The following SNX29 variants were observed in gnomAD, a reference collection of about 807,000 sequenced individuals.
SNX29 encodes the protein sorting nexin 29.
In SNX29, 78 loss-of-function variants were observed where a neutral mutation model predicts 102.1. The ratio of observed to expected loss-of-function variants is 0.76; its 90% confidence interval spans 0.64 to 0.92. The LOEUF is 0.92. Among genes scored for constraint, SNX29 ranks in the 40% least tolerant of loss-of-function variants. The pLI, the probability that SNX29 is intolerant of heterozygous loss-of-function variation, is 0.00. For missense variants in SNX29, 1,280 were observed against 1,061.7 expected, an observed-to-expected ratio of 1.21 and a Z score of -2.86; for synonymous variants, 580 against 414.5, an observed-to-expected ratio of 1.40 and a Z score of -4.85.
intron 15 of SNX29, among the ~76,000 whole-genome samples, chr16:12,287,948 T>C (rs970519261): frequency 6.6e-6 from 1 of 152,226 alleles, no homozygotes; most frequent in African/African-American, 2.4e-5. Context: ...GTTAGGTTTT[T>C]CATGGCATTT....
At chr16:12,427,957 A>G (rs569104485) in intron 18 of SNX29, among the ~76,000 whole-genome samples, 2 of 152,386 alleles carry the variant, frequency 1.3e-5, no homozygotes, top group African/African-American at 4.8e-5. Context: ...TCCCTGCAGC[A>G]GCTTCATTTG....
chr16:12,561,656 G>T (rs1029951389), intron 20 of SNX29, among the ~76,000 whole-genome samples: 1 of 152,196 alleles, frequency 6.6e-6, no homozygotes, highest in Non-Finnish European at 1.5e-5. Flanking sequence ...CACTCCTGGG[G>T]CCCTCTGAGG....
chr16:12,559,301 C>T (rs1032581216), intron 20 of SNX29, among the ~76,000 whole-genome samples: 2 of 152,006 alleles, frequency 1.3e-5, no homozygotes, highest in Non-Finnish European at 2.9e-5. Flanking sequence ...GAAAGGCATG[C>T]AAACCCTATT....
chr16:12,013,542 T>TATATATATATATAGAGAGAGAGAGAGAG, intron 3 of SNX29, among the ~76,000 whole-genome samples: 1 of 109,074 alleles, frequency 9.2e-6, no homozygotes, highest in African/African-American at 3.5e-5. Context: ...TATATATATA[T>TATATATATATATAGAGAGAGAGAGAGAG]CGAGAGAGGA....
At chr16:12,175,802 T>C (rs1261251588) in intron 13 of SNX29, among the ~76,000 whole-genome samples, 2 of 151,358 alleles carry the variant, frequency 1.3e-5, no homozygotes, top group Non-Finnish European at 2.9e-5. Context: ...TCTCTTGGAG[T>C]TTGAGACTAG....
At chr16:12,423,895 C>T (rs1455580128) in intron 18 of SNX29, among the ~76,000 whole-genome samples, 2 of 152,138 alleles carry the variant, frequency 1.3e-5, no homozygotes, top group Non-Finnish European at 2.9e-5. Flanking sequence ...AAGAAGAGTG[C>T]ATGTCAGGGC....
At chr16:12,481,315 G>C (rs540323950) in intron 19 of SNX29, among the ~76,000 whole-genome samples, 2 of 151,918 alleles carry the variant, frequency 1.3e-5, no homozygotes, top group East Asian at 3.9e-4. Context: ...TCCATTTCTC[G>C]CCTGTGCAGC....
At chr16:12,265,239 A>C (rs1427363646) in intron 14 of SNX29, among the ~76,000 whole-genome samples, 3 of 152,154 alleles carry the variant, frequency 2.0e-5, no homozygotes, top group African/African-American at 7.2e-5. Context: ...CCAGCAAAGA[A>C]GTTTTCACTG....
In SNX29 at chr16:12,571,818, T is replaced by C. The variant is rs1010798905; in HGVS notation, c.*3189T>C. Reference sequence around the variant, plus strand: ...GCAATCAGTGTGAAATTCCAGCTTCTTTGATTCCCACTTAGCAGTATGCTC... The same window carrying C: ...GCAATCAGTGTGAAATTCCAGCTTCCTTGATTCCCACTTAGCAGTATGCTC... On this transcript the variant is annotated 3_prime_UTR_variant, in exon 21 of 21. Transcript: ENST00000566228. The C allele has an allele frequency of 4.8e-6, 5 of 1,039,432 alleles. No homozygotes were observed. In the African/African-American group the frequency reaches 8.3e-5, roughly 17 times the overall value. The allele number at this position is 1,039,432 out of a possible 1,614,324, so 64.4% of individuals were successfully genotyped here.
At chr16:12,046,355 A>G (rs558741361) in intron 5 of SNX29, 29 bp from the exon 6 acceptor site, 2 of 1,611,656 alleles carry the variant, frequency 1.2e-6, no homozygotes, top group Non-Finnish European at 1.7e-6. Flanking sequence ...ACTGCTAAGA[A>G]CGATTTCCTT....
intron 20 of SNX29, among the ~76,000 whole-genome samples, chr16:12,537,039 C>T (rs930664974): frequency 1.3e-5 from 2 of 152,164 alleles, no homozygotes; most frequent in Non-Finnish European, 2.9e-5. Flanking sequence ...ACACAGCAAG[C>T]ACATTCACTG....
At chr16:12,136,270 G>A (rs924733791) in intron 13 of SNX29, among the ~76,000 whole-genome samples, 2 of 152,192 alleles carry the variant, frequency 1.3e-5, no homozygotes, top group East Asian at 1.9e-4. Flanking sequence ...CCTTCCTCCC[G>A]TGCAGTGGCA....
intron 3 of SNX29, among the ~76,000 whole-genome samples, chr16:12,005,961 G>C (rs996336410): frequency 3.3e-5 from 5 of 152,148 alleles, no homozygotes; most frequent in African/African-American, 1.2e-4. Context: ...TATAGAAAAT[G>C]TTCTATTTTA....
intron 4 of SNX29, among the ~76,000 whole-genome samples, chr16:12,029,039 C>T (rs2057270520): frequency 2.6e-5 from 4 of 152,094 alleles, no homozygotes; most frequent in East Asian, 1.9e-4. Context: ...AGCCACTGCG[C>T]CTGGCCTTGG....
chr16:12,365,397 G>C (rs1164832375), intron 16 of SNX29, among the ~76,000 whole-genome samples: 1 of 150,484 alleles, frequency 6.6e-6, no homozygotes, highest in African/African-American at 2.4e-5. Context: ...GTTTATGTCA[G>C]GCTCTTCGGA....
chr16:12,408,127 C>A (rs1005151428), intron 18 of SNX29, among the ~76,000 whole-genome samples: 1 of 151,052 alleles, frequency 6.6e-6, no homozygotes, highest in Non-Finnish European at 1.5e-5. Context: ...CACTGCCACT[C>A]CGGCCTGGGT....
intron 19 of SNX29, among the ~76,000 whole-genome samples, chr16:12,519,108 C>T (rs1033269905): frequency 1.3e-5 from 2 of 152,126 alleles, no homozygotes; most frequent in African/African-American, 4.8e-5. Context: ...TACCCACTGG[C>T]AGGGCTGCTC....
intron 13 of SNX29, among the ~76,000 whole-genome samples, chr16:12,186,979 C>A (rs709419): frequency 2.0e-5 from 3 of 152,084 alleles, no homozygotes; most frequent in Non-Finnish European, 4.4e-5. Context: ...TGGCTCACAG[C>A]TGTGTTTTGT....
At chr16:12,396,637 G>T (rs1242166488) in intron 16 of SNX29, among the ~76,000 whole-genome samples, 4 of 152,202 alleles carry the variant, frequency 2.6e-5, no homozygotes, top group Non-Finnish European at 4.4e-5. Context: ...AATGGGTGTT[G>T]TCTAGAACGG....
Sources: gnomAD v4.1 joint callset for allele counts (sites outside exome capture counted in the v4.1 genomes callset) on GRCh38, gnomAD v4.1.1 for gene constraint, MANE v1.5 for transcripts, NCBI Gene and HGNC (gene_info 2026-07-23, HGNC 2026-07-21) for gene names.